Variants in EHHADH observed in about 807,000 individuals in gnomAD.
EHHADH encodes enoyl-CoA hydratase and 3-hydroxyacyl CoA dehydrogenase, also known as peroxisomal bifunctional enzyme.
A neutral mutation model predicts 64.4 loss-of-function variants in EHHADH; 48 were observed. The ratio of observed to expected loss-of-function variants is 0.75; its 90% confidence interval spans 0.59 to 0.95. The LOEUF (loss-of-function observed/expected upper bound fraction) is 0.95. EHHADH is among the 40% of genes least tolerant of loss of function. The probability of loss-of-function intolerance (pLI) is 0.00; values close to 1 mark genes in which losing one functional copy is unlikely to be tolerated. For missense variants in EHHADH, 854 were observed against 876.6 expected, an observed-to-expected ratio of 0.97 and a Z score of 0.33; for synonymous variants, 308 against 326.7, an observed-to-expected ratio of 0.94 and a Z score of 0.62.
In EHHADH at chr3:185,229,545, T is replaced by C; in HGVS notation, c.352-2A>G. 7 of 1,551,236 alleles carry C rather than the reference T, an allele frequency of 4.5e-6. No individual in the cohort carries two copies. Among genetic ancestry groups the C allele is most frequent in the Non-Finnish European group, 5.2e-6 (6 of 1,143,942 alleles). ...AACTTCTGGTAAGCCAACTTGAGCC[T>C]ATCAAAGATTGAAGGCATAAAGGCC... On this transcript the variant is annotated splice_acceptor_variant, in intron 3 of 6. Transcript: ENST00000231887. LOFTEE classifies it high-confidence loss of function.
At position 185,192,027 on chromosome 3, in the gene EHHADH, G is replaced by A; in HGVS notation, c.*199C>T. ...ACAAGTTCATGCATTGAATTTATCT[G>A]ATAAGGACAGATTCAGAGGCATAGG... is the stretch of plus-strand genomic sequence containing the variant. On this transcript the variant is annotated 3_prime_UTR_variant, in exon 7 of 7. Transcript: ENST00000231887. 1 of 618,744 alleles carries A rather than the reference G, an allele frequency of 1.6e-6. No individual in the cohort carries two copies. Among genetic ancestry groups the A allele is most frequent in the South Asian group, 2.2e-5 (1 of 45,710 alleles). The allele number at this position is 618,744 out of a possible 1,614,324, so 38.3% of individuals were successfully genotyped here.
rs1560017500 is a variant in EHHADH at position 185,229,542 on chromosome 3, G to A, written c.353C>T (p.Ala118Val). 3.9e-6 allele frequency: 6 copies of A among 1,557,012 alleles called. No homozygotes were observed. In the Admixed American group the frequency reaches 8.9e-5, roughly 23 times the overall value. Reference sequence around the variant, plus strand: ...TGTAACTTCTGGTAAGCCAACTTGAGCCTATCAAAGATTGAAGGCATAAAG... The same window carrying A: ...TGTAACTTCTGGTAAGCCAACTTGAACCTATCAAAGATTGAAGGCATAAAG... Reference protein sequence around the residue: ...GCHYRIAHAEAQVGLPEVTLG... With the variant: ...GCHYRIAHAEVQVGLPEVTLG... The change falls in exon 4 of 7, where the codon GCT (alanine) becomes GTT (valine). Residue 118 changes from alanine to valine, a missense_variant and splice_region_variant. Coordinates refer to ENST00000231887, the MANE Select transcript of EHHADH (RefSeq NM_001966.4).
At chr3:185,235,148 C>T in intron 3 of EHHADH, 142 bp downstream of exon 3, 1 of 776,732 alleles carries the variant, frequency 1.3e-6, no homozygotes, top group Non-Finnish European at 1.9e-6. Context: ...CCACTGCACT[C>T]CAGCCTGGAA....
At chr3:185,197,440 T>C (rs2108625386) in intron 6 of EHHADH, among the ~76,000 whole-genome samples, 1 of 152,328 alleles carries the variant, frequency 6.6e-6, no homozygotes, top group African/African-American at 2.4e-5. Flanking sequence ...ACCTACTAAA[T>C]GATAACTCCC....
chr3:185,238,303 C>T (rs1249826286), intron 2 of EHHADH, among the ~76,000 whole-genome samples: 2 of 152,126 alleles, frequency 1.3e-5, no homozygotes. Context: ...CAAATGATAG[C>T]TCTGTTTTTA....
At chr3:185,242,197 G>A (rs1223762426) in intron 2 of EHHADH, among the ~76,000 whole-genome samples, 2 of 152,196 alleles carry the variant, frequency 1.3e-5, no homozygotes, top group African/African-American at 4.8e-5. Flanking sequence ...CACATCCCAT[G>A]CTCATGGATG....
chr3:185,247,354 C>CCATGCAT (rs1306095962), intron 2 of EHHADH, among the ~76,000 whole-genome samples: 4 of 152,094 alleles, frequency 2.6e-5, no homozygotes, highest in African/African-American at 9.6e-5. Flanking sequence ...AGCACTCTTC[C>CCATGCAT]CATGCATCAT....
chr3:185,235,241 T>A (rs1212540361), intron 3 of EHHADH, 49 bp downstream of exon 3: 1 of 1,513,994 alleles, frequency 6.6e-7, no homozygotes, highest in Non-Finnish European at 8.8e-7. Context: ...GAGTTTGCCC[T>A]AAAGAAAAGC....
At position 185,191,820 on chromosome 3, in the gene EHHADH, T is replaced by C. The variant is rs769997611; in HGVS notation, c.*406A>G. 108 of 188,654 alleles carry C rather than the reference T, an allele frequency of 5.7e-4. 2 individuals are homozygous for C. The highest frequency in any genetic ancestry group is 1.3e-4 in the Non-Finnish European group (12 of 90,632). 11.7% of individuals were successfully genotyped at this position (188,654 alleles called of 1,614,324 possible). On this transcript the variant is annotated 3_prime_UTR_variant, in exon 7 of 7. Transcript: ENST00000231887. ...CTTTAATGTTTGTTGAGTGTATGTA[T>C]GATTCATAAGATTTCTGATCAATAC...
At position 185,192,166 on chromosome 3, in the gene EHHADH, AC is replaced by A. The variant is rs1717887678; in HGVS notation, c.*59del. 6.7e-7 allele frequency: 1 copy of A among 1,500,936 alleles called. No homozygotes were observed. The highest frequency in any genetic ancestry group is 1.4e-5 in the African/African-American group (1 of 71,262). 93.0% of individuals were successfully genotyped at this position (1,500,936 alleles called of 1,614,324 possible). On this transcript the variant is annotated 3_prime_UTR_variant, in exon 7 of 7. Transcript: ENST00000231887. ...TACTTTGGATTTTTGATTTAATTTC[AC>A]TGAAATTCAGTCAGCATTACCTGAT...
At chr3:185,247,607 G>T (rs1390623812) in intron 2 of EHHADH, among the ~76,000 whole-genome samples, 3 of 151,814 alleles carry the variant, frequency 2.0e-5, no homozygotes, top group Non-Finnish European at 4.4e-5. Context: ...CAAGATAAAT[G>T]GTAATATTAT....
At chr3:185,208,310 C>T (rs936060020) in intron 5 of EHHADH, among the ~76,000 whole-genome samples, 1 of 152,194 alleles carries the variant, frequency 6.6e-6, no homozygotes, top group South Asian at 2.1e-4. Context: ...AGATTCTCCC[C>T]CTGACCCCTA....
intron 2 of EHHADH, among the ~76,000 whole-genome samples, chr3:185,239,412 T>C (rs1381134462): frequency 6.6e-6 from 1 of 152,220 alleles, no homozygotes; most frequent in African/African-American, 2.4e-5. Flanking sequence ...TTTCAATGCA[T>C]GAGCATGGAT....
chr3:185,227,144 G>A (rs1263032410), intron 4 of EHHADH, among the ~76,000 whole-genome samples: 1 of 152,166 alleles, frequency 6.6e-6, no homozygotes, highest in Non-Finnish European at 1.5e-5. Context: ...TCTTTTTATG[G>A]CCTGTTCTTC....
At chr3:185,198,072 C>T (rs1254754545) in intron 6 of EHHADH, among the ~76,000 whole-genome samples, 2 of 152,070 alleles carry the variant, frequency 1.3e-5, no homozygotes, top group Non-Finnish European at 2.9e-5. Flanking sequence ...GCTGGGATTA[C>T]AGGCGTGAGC....
chr3:185,234,723 G>A (rs1719240634), intron 3 of EHHADH, among the ~76,000 whole-genome samples: 1 of 152,138 alleles, frequency 6.6e-6, no homozygotes, highest in Admixed American at 6.5e-5. Context: ...GGATCATAGA[G>A]AGGCCCTAGG....
chr3:185,234,471 C>T (rs1560018740), intron 3 of EHHADH, among the ~76,000 whole-genome samples: 3 of 152,196 alleles, frequency 2.0e-5, no homozygotes, highest in Non-Finnish European at 4.4e-5. Flanking sequence ...GGTAGAGTCT[C>T]GGGGCTCTCT....
chr3:185,251,610 G>A (rs1337506985), intron 1 of EHHADH, among the ~76,000 whole-genome samples: 6 of 4,508 alleles, frequency 1.3e-3, no homozygotes, highest in Admixed American at 2.9e-3. Flanking sequence ...AAATTTATAT[G>A]TGTGTGTGTG....
At chr3:185,230,447 T>C (rs1224753034) in intron 3 of EHHADH, among the ~76,000 whole-genome samples, 1 of 152,070 alleles carries the variant, frequency 6.6e-6, no homozygotes, top group African/African-American at 2.4e-5. Flanking sequence ...AGTGGATAAA[T>C]GAAAGGTAGT....
Sources: gnomAD v4.1 joint callset for allele counts (sites outside exome capture counted in the v4.1 genomes callset) on GRCh38, gnomAD v4.1.1 for gene constraint, MANE v1.5 for transcripts, NCBI Gene and HGNC (gene_info 2026-07-23, HGNC 2026-07-21) for gene names.